The following ZNF730 variants were observed in gnomAD, a reference collection of about 807,000 sequenced individuals.
The protein encoded by ZNF730 is zinc finger protein 730, also known as putative zinc finger protein 730.
ZNF730 carries 12 observed loss-of-function variants against 12.6 expected under a neutral mutation model. The ratio of observed to expected loss-of-function variants is 0.95; its 90% CI spans 0.61 to 1.54. The LOEUF (loss-of-function observed/expected upper bound fraction) is 1.54. Among genes scored for constraint, ZNF730 ranks in the 40% most tolerant of loss-of-function variants. The pLI, the probability that ZNF730 is intolerant of heterozygous loss-of-function variation, is 0.00. For synonymous variants in ZNF730, 194 were observed against 195.8 expected (o/e 0.99, Z 0.08); for missense variants, 643 against 583.5 (o/e 1.10, Z -1.05).
intron 1 of ZNF730, among the ~76,000 whole-genome samples, chr19:23,106,637 C>A (rs999249991): frequency 6.6e-6 from 1 of 151,718 alleles, no homozygotes; most frequent in Non-Finnish European, 1.5e-5. Context: ...ACAAAAAACA[C>A]AAAATTAGCT....
At chr19:23,127,902 G>A in intron 1 of ZNF730, 1 of 674,650 alleles carries the variant, frequency 1.5e-6, no homozygotes, top group East Asian at 2.5e-5. Context: ...CTCGTAAACT[G>A]CCAAAATATG....
chr19:23,099,126 G>A (rs1970297908), intron 1 of ZNF730, among the ~76,000 whole-genome samples: 1 of 152,174 alleles, frequency 6.6e-6, no homozygotes, highest in Non-Finnish European at 1.5e-5. Context: ...TGATTCTCAT[G>A]TGCAGATGCA....
In ZNF730 at chr19:23,145,989, A is replaced by T. The variant is rs1199214175; in HGVS notation, c.945A>T (p.Glu315Asp). ...CTAAAGAGCAACCATACAAATGCGA[A>T]AAATGTGGCAAAGCTTTTAAGTGGT... ...IHTKEQPYKC[E>D]KCGKAFKWSS... The change falls in exon 4 of 4, where the codon GAA becomes GAT. Residue 315 changes from glutamate to aspartate, a missense_variant. Coordinates refer to ENST00000597761, the MANE Select transcript of ZNF730 (RefSeq NM_001277403.2). 6.2e-7 allele frequency: 1 copy of T among 1,606,476 alleles called. No homozygotes were observed. The highest frequency in any genetic ancestry group is 8.5e-7 in the Non-Finnish European group (1 of 1,177,754).
intron 1 of ZNF730, among the ~76,000 whole-genome samples, chr19:23,103,419 A>G (rs1970357704): frequency 6.6e-6 from 1 of 152,240 alleles, no homozygotes; most frequent in South Asian, 2.1e-4. Flanking sequence ...AACTTTGTTA[A>G]CGGTTATAAC....
chr19:23,136,271 A>G (rs1248465900), intron 3 of ZNF730, among the ~76,000 whole-genome samples: 1 of 151,974 alleles, frequency 6.6e-6, no homozygotes, highest in African/African-American at 2.4e-5. Context: ...TGGTAATCTT[A>G]CTTTACAGTG....
At chr19:23,133,773 C>A (rs1018591684) in intron 1 of ZNF730, among the ~76,000 whole-genome samples, 3 of 152,236 alleles carry the variant, frequency 2.0e-5, no homozygotes, top group African/African-American at 7.2e-5. Flanking sequence ...AAAGTTTACA[C>A]AACTCTTTCT....
chr19:23,100,764 TC>T (rs757173117), intron 1 of ZNF730, among the ~76,000 whole-genome samples: 9 of 148,532 alleles, frequency 6.1e-5, no homozygotes, highest in Admixed American at 1.3e-4. Context: ...CAAGCGATTC[TC>T]CTGCCTCATC....
At chr19:23,087,911 C>G (rs1319239271) in intron 1 of ZNF730, among the ~76,000 whole-genome samples, 1 of 152,162 alleles carries the variant, frequency 6.6e-6, no homozygotes, top group Admixed American at 6.5e-5. Context: ...CCACACTCAG[C>G]CTAGATGCCC....
chr19:23,084,888 T>C (rs1599566285), intron 1 of ZNF730, among the ~76,000 whole-genome samples: 1 of 152,230 alleles, frequency 6.6e-6, no homozygotes, highest in African/African-American at 2.4e-5. Context: ...GTTGATTTCA[T>C]GTCTTTGCTA....
At chr19:23,127,606 C>T (rs1378636846) in intron 1 of ZNF730, 1 of 986,868 alleles carries the variant, frequency 1.0e-6, no homozygotes, top group Non-Finnish European at 1.6e-6. Context: ...CAACAGAAAA[C>T]TCATTTTGTT....
intron 1 of ZNF730, among the ~76,000 whole-genome samples, chr19:23,133,267 T>C (rs896544162): frequency 3.9e-5 from 6 of 152,190 alleles, no homozygotes; most frequent in Non-Finnish European, 8.8e-5. Context: ...TTCCAGTTAC[T>C]CCATATTTGA....
rs1281983723 is a variant in ZNF730 at position 23,135,023 on chromosome 19, G to A, written c.130+817G>A. On this transcript the variant is annotated intron_variant, in intron 2 of 3. Coordinates refer to ENST00000597761, the MANE Select transcript of ZNF730 (RefSeq NM_001277403.2). ...TGCTTTGTTAAACAGATGCTTGAAG[G>A]CAGCATGCTCGTTAAGAGTCATCAC... Among the ~76,000 whole-genome samples the A allele has an allele frequency of 3.5e-5, 4 of 115,002 alleles. No homozygotes were observed. The East Asian group carries it at 9.2e-4, about 26-fold the overall frequency. 75.4% of individuals were successfully genotyped at this position (115,002 alleles called of 152,430 possible). A position where few individuals can be genotyped will look rare whatever the true frequency, so the allele number is the denominator to read the frequency against.
At chr19:23,116,299 T>TTTTTCTTTTCTTTTCCTTTC (rs1555714409), upstream of ZNF730, among the ~76,000 whole-genome samples, 16 of 149,190 alleles carry the variant, frequency 1.1e-4, no homozygotes, top group East Asian at 2.6e-3. Flanking sequence ...GTTATTCTGC[T>TTTTTCTTTTCTTTTCCTTTC]TTTTCTTTTC....
intron 1 of ZNF730, among the ~76,000 whole-genome samples, chr19:23,124,714 G>A (rs1970641064): frequency 6.6e-6 from 1 of 152,276 alleles, no homozygotes; most frequent in African/African-American, 2.4e-5. Flanking sequence ...ATTTTGGTTG[G>A]TACTCAGATG....
chr19:23,092,549 A>T (rs1186853980), intron 1 of ZNF730, among the ~76,000 whole-genome samples: 1 of 152,148 alleles, frequency 6.6e-6, no homozygotes, highest in African/African-American at 2.4e-5. Context: ...AGATTGCACC[A>T]TTGCACTCCA....
intron 1 of ZNF730, among the ~76,000 whole-genome samples, chr19:23,109,554 G>A (rs1265710753): frequency 1.5e-4 from 22 of 151,036 alleles, no homozygotes; most frequent in Admixed American, 1.4e-3. Context: ...GATTACAGGC[G>A]CCACACCCAG....
At chr19:23,093,853 C>T (rs1163834112) in intron 1 of ZNF730, among the ~76,000 whole-genome samples, 2 of 152,228 alleles carry the variant, frequency 1.3e-5, no homozygotes, top group South Asian at 2.1e-4. Context: ...GGAACAGCTT[C>T]AGGCCACGAG....
intron 1 of ZNF730, among the ~76,000 whole-genome samples, chr19:23,107,642 G>A (rs1481470866): frequency 6.6e-6 from 1 of 150,914 alleles, no homozygotes; most frequent in African/African-American, 2.4e-5. Context: ...ATTAAGCTTT[G>A]CATGAATTAA....
chr19:23,103,829 A>T (rs1970361753), intron 1 of ZNF730, among the ~76,000 whole-genome samples: 1 of 152,204 alleles, frequency 6.6e-6, no homozygotes, highest in Admixed American at 6.5e-5. Context: ...GAGATAGCCA[A>T]ACTTCTTTGT....
Sources: allele counts gnomAD v4.1 joint callset (sites outside exome capture counted in the v4.1 genomes callset), GRCh38; gene constraint gnomAD v4.1.1; transcripts MANE v1.5; gene names NCBI Gene and HGNC (gene_info 2026-07-23, HGNC 2026-07-21).